Variants in MRPL24 observed in about 807,000 individuals in gnomAD.
MRPL24 encodes the protein large ribosomal subunit protein uL24m.
A neutral mutation model predicts 26.9 loss-of-function variants in MRPL24; 15 were observed. The observed-to-expected ratio is 0.56, with a 90% CI of 0.37 to 0.86. The LOEUF (loss-of-function observed/expected upper bound fraction) is 0.86, where lower values mean the gene tolerates loss of function less well. Among genes scored for constraint, MRPL24 ranks in the 40% least tolerant of loss-of-function variants. MRPL24 has a pLI of 0.00. For missense variants in MRPL24, 241 were observed against 281.4 expected (o/e 0.86, Z 1.03); for synonymous variants, 92 against 102.4 (o/e 0.90, Z 0.62).
intron 4 of MRPL24, 106 bp downstream of exon 4, chr1:156,737,925 G>A: frequency 7.0e-7 from 1 of 1,422,240 alleles, no homozygotes; most frequent in Non-Finnish European, 9.7e-7. Flanking sequence ...ATGTCCATGA[G>A]ATGGTCCCTC....
intron 1 of MRPL24, chr1:156,740,256 A>T (rs1163306204): frequency 1.3e-5 from 2 of 152,148 alleles, no homozygotes; most frequent in Non-Finnish European, 2.9e-5. Flanking sequence ...ATTTAAAAAT[A>T]TGTATTAACG....
At chr1:156,741,676 C>G (rs975234748), upstream of MRPL24, 1 of 152,142 alleles carries the variant, frequency 6.6e-6, no homozygotes, top group Non-Finnish European at 1.5e-5. Flanking sequence ...CCCCCTCCCC[C>G]TACCACCCCA....
In MRPL24 at chr1:156,738,502, C is replaced by G. The variant is rs369070832; in HGVS notation, c.183+20G>C. On this transcript the variant is annotated intron_variant, in intron 2 of 5. Coordinates refer to ENST00000361531, the MANE Select transcript of MRPL24 (RefSeq NM_145729.3). ...CCCAGGAGGTTCCCCATCACTCTAC[C>G]CCCTGTATGAGGCTCTCACCGTGTC... is the stretch of plus-strand genomic sequence containing the variant. 1.8e-5 allele frequency: 29 copies of G among 1,613,908 alleles called. No individual in the cohort carries two copies. The highest frequency in any genetic ancestry group is 1.9e-5 in the Non-Finnish European group (23 of 1,179,934).
chr1:156,741,844 A>G (rs1303324220), upstream of MRPL24, among the ~76,000 whole-genome samples: 1 of 152,110 alleles, frequency 6.6e-6, no homozygotes, highest in Admixed American at 6.5e-5. Flanking sequence ...GCATCCTCCC[A>G]CACCCCACTT....
rs529584982 is a variant in MRPL24 at position 156,738,785 on chromosome 1, G to A, written c.-60-21C>T. The A allele has an allele frequency of 2.7e-5, 37 of 1,378,466 alleles. No individual in the cohort carries two copies. In the South Asian group the frequency reaches 2.9e-4, roughly 11 times the overall value. 85.4% of individuals were successfully genotyped at this position (1,378,466 alleles called of 1,614,324 possible). A position where few individuals can be genotyped will look rare whatever the true frequency, so the allele number is the denominator to read the frequency against. On this transcript the variant is annotated intron_variant, in intron 1 of 5. Coordinates refer to ENST00000361531, the MANE Select transcript of MRPL24 (RefSeq NM_145729.3). Reference sequence around the variant, plus strand: ...CAGCTCTGGGCAGATGGATAGAAACGGGAACAAAGAGGCAAGGGAAGGAAC... The same window carrying A: ...CAGCTCTGGGCAGATGGATAGAAACAGGAACAAAGAGGCAAGGGAAGGAAC...
chr1:156,738,085 G>A lies in MRPL24; in HGVS notation c.329C>T (p.Pro110Leu). The A allele has an allele frequency of 6.2e-7, 1 of 1,614,166 alleles. No individual in the cohort carries two copies. The highest frequency in any genetic ancestry group is 8.5e-7 in the Non-Finnish European group (1 of 1,180,032). ...GCGGTGGAGCAAGGGGGCTTCACTA[G>A]GGATCATGGTTCCCCGGTAATCCAT... is the stretch of plus-strand genomic sequence containing the variant. ...KTMDYRGTMIPSEAPLLHRQV... is the reference protein window; with the variant it reads ...KTMDYRGTMILSEAPLLHRQV... The change falls in exon 4 of 6, where the codon CCT (proline) becomes CTT (leucine). Residue 110 changes from proline (P) to leucine (L), a missense_variant. Transcript: ENST00000361531.
At chr1:156,739,229 T>C (rs1224330873) in intron 1 of MRPL24, among the ~76,000 whole-genome samples, 1 of 152,194 alleles carries the variant, frequency 6.6e-6, no homozygotes, top group East Asian at 1.9e-4. Context: ...TTAGAATTCC[T>C]ATCCTCAGAT....
chr1:156,738,826 T>TA, intron 1 of MRPL24, 62 bp from the exon 2 acceptor site: 1 of 823,882 alleles, frequency 1.2e-6, no homozygotes, highest in South Asian at 1.9e-5. Flanking sequence ...TTAAAGCACT[T>TA]ACTCTATTGC....
In MRPL24 at chr1:156,738,651, A is replaced by AT. The variant is rs1393247506; in HGVS notation, c.53dup (p.His18GlnfsTer34). On this transcript the variant is annotated frameshift_variant, in exon 2 of 6. Transcript: ENST00000361531. LOFTEE classifies it high-confidence loss of function. Reference sequence around the variant, plus strand: ...CTGGGGGGCTCATCCCATAGCGGTAATGGGGGGGCAGAGTGACCTTGGATG... The same window carrying AT: ...CTGGGGGGCTCATCCCATAGCGGTAATTGGGGGGGCAGAGTGACCTTGGATG... The AT allele has an allele frequency of 6.2e-7, 1 of 1,602,604 alleles. No homozygotes were observed. The highest frequency in any genetic ancestry group is 1.8e-5 in the Admixed American group (1 of 55,824).
At chr1:156,742,706 T>C (rs1342139111), upstream of MRPL24, 1 of 154,652 alleles carries the variant, frequency 6.5e-6, no homozygotes, top group Non-Finnish European at 1.5e-5. Context: ...GGGGGACAGA[T>C]GCTCAACACT....
chr1:156,737,761 G>A lies in MRPL24; in HGVS notation c.399C>T (p.Ile133=), dbSNP rs114941158. Reference sequence around the variant, plus strand: ...CTCCTGCTTCAGTAAATCTCCACTCGATCTCAGTGGGTTTCCTGGTGGATA... The same window carrying A: ...CTCCTGCTTCAGTAAATCTCCACTCAATCTCAGTGGGTTTCCTGGTGGATA... ...VDPMDRKPTE[I]EWRFTEAGER... is the part of the protein sequence containing the mutation. The change falls in exon 5 of 6, where the codon ATC becomes ATT. Residue 133 remains isoleucine, a synonymous_variant. Coordinates refer to ENST00000361531, the MANE Select transcript of MRPL24 (RefSeq NM_145729.3). 6.8e-6 allele frequency: 11 copies of A among 1,613,994 alleles called. No individual in the cohort carries two copies. Among genetic ancestry groups the A allele is most frequent in the South Asian group, 1.1e-5 (1 of 91,068 alleles).
intron 1 of MRPL24, among the ~76,000 whole-genome samples, chr1:156,739,615 C>A (rs1345954120): frequency 1.3e-5 from 2 of 152,098 alleles, no homozygotes; most frequent in Admixed American, 6.6e-5. Flanking sequence ...GGGTTCTACT[C>A]CCTGCTCCAC....
chr1:156,741,735 G>A (rs1163859801), upstream of MRPL24: 1 of 152,150 alleles, frequency 6.6e-6, no homozygotes, highest in Non-Finnish European at 1.5e-5. Context: ...AGGAGAAAGG[G>A]TTATCCTATT....
At chr1:156,737,856 A>T in intron 4 of MRPL24, 80 bp from the exon 5 acceptor site, 9 of 1,576,948 alleles carry the variant, frequency 5.7e-6, no homozygotes, top group Non-Finnish European at 7.8e-6. Flanking sequence ...AGTGGTTCAA[A>T]ACACAAGGGT....
intron 5 of MRPL24, 54 bp downstream of exon 5, chr1:156,737,592 C>A: frequency 1.2e-6 from 2 of 1,609,502 alleles, no homozygotes; most frequent in East Asian, 2.2e-5. Flanking sequence ...TCATTAATGT[C>A]CCCTACTCTC....
At chr1:156,737,601 T>G (rs200159449) in intron 5 of MRPL24, 45 bp downstream of exon 5, 1 of 1,611,314 alleles carries the variant, frequency 6.2e-7, no homozygotes, top group South Asian at 1.1e-5. Flanking sequence ...TCCCCTACTC[T>G]CACTCCTAGC....
chr1:156,739,549 C>G (rs770106659), intron 1 of MRPL24, among the ~76,000 whole-genome samples: 8 of 151,792 alleles, frequency 5.3e-5, no homozygotes, highest in Non-Finnish European at 1.2e-4. Flanking sequence ...ACTTCAAAGA[C>G]AAATAAAGAT....
At chr1:156,738,187 C>CT (rs1186192304) in intron 3 of MRPL24, 53 bp from the exon 4 acceptor site, 16 of 1,593,412 alleles carry the variant, frequency 1.0e-5, no homozygotes, top group Non-Finnish European at 1.1e-5. Flanking sequence ...GGGGTTTGCC[C>CT]TTGCTACTCG....
chr1:156,738,833 T>C (rs1649986137), intron 1 of MRPL24, 69 bp from the exon 2 acceptor site: 1 of 747,398 alleles, frequency 1.3e-6, no homozygotes, highest in African/African-American at 1.8e-5. Flanking sequence ...ACTTACTCTA[T>C]TGCTCAATGG....
Sources: gnomAD v4.1 joint callset for allele counts (sites outside exome capture counted in the v4.1 genomes callset) on GRCh38, gnomAD v4.1.1 for gene constraint, MANE v1.5 for transcripts, NCBI Gene and HGNC (gene_info 2026-07-23, HGNC 2026-07-21) for gene names.